MTUS1: variants seen among roughly 807,000 people sequenced by gnomAD.
The protein encoded by MTUS1 is microtubule-associated tumor suppressor 1.
MTUS1 carries 109 observed loss-of-function variants against 120.8 expected under a neutral mutation model. The observed-to-expected ratio is 0.90, with a 90% confidence interval of 0.77 to 1.06. The LOEUF is 1.06. Ranked by LOEUF, MTUS1 falls within the 50% of genes least tolerant of loss-of-function variation. MTUS1 has a pLI of 0.00. For missense variants in MTUS1, 2,210 were observed against 1,486.3 expected, an observed-to-expected ratio of 1.49 and a Z score of -8.01; for synonymous variants, 737 against 550.5, an observed-to-expected ratio of 1.34 and a Z score of -4.74.
At chr8:17,788,883 A>G (rs1026599423) in intron 1 of MTUS1, among the ~76,000 whole-genome samples, 2 of 152,216 alleles carry the variant, frequency 1.3e-5, no homozygotes, top group African/African-American at 4.8e-5. Context: ...TACTGGGTCC[A>G]AAGTATTTAC....
intron 1 of MTUS1, among the ~76,000 whole-genome samples, chr8:17,788,222 C>CTTAA (rs1229114391): frequency 6.6e-6 from 1 of 152,166 alleles, no homozygotes; most frequent in Non-Finnish European, 1.5e-5. Flanking sequence ...TAATTGCACA[C>CTTAA]TTAAGCCAGG....
At chr8:17,650,118 A>G (rs1806673165) in intron 12 of MTUS1, among the ~76,000 whole-genome samples, 156 bp from the exon 13 acceptor site, 1 of 152,242 alleles carries the variant, frequency 6.6e-6, no homozygotes, top group Admixed American at 6.5e-5. Flanking sequence ...AAACAAGAGC[A>G]CCTTAATGTC....
chr8:17,655,771 A>G (rs906294988), intron 9 of MTUS1, 92 bp downstream of exon 9: 8 of 1,110,506 alleles, frequency 7.2e-6, no homozygotes, highest in African/African-American at 4.7e-5. Context: ...CTATTAGACT[A>G]AAAAAGAGAA....
chr8:17,693,433 A>G (rs1345301103), intron 6 of MTUS1: 1 of 152,156 alleles, frequency 6.6e-6, no homozygotes, highest in African/African-American at 2.4e-5. Context: ...ACCCAGTAAT[A>G]ATATATCAGA....
chr8:17,663,585 T>G (rs1810243429), intron 8 of MTUS1, among the ~76,000 whole-genome samples: 1 of 106,620 alleles, frequency 9.4e-6, no homozygotes, highest in South Asian at 2.7e-4. Flanking sequence ...CTAAGCCTAC[T>G]TTTTGTTTTG....
chr8:17,765,314 C>A (rs573010507), intron 1 of MTUS1, among the ~76,000 whole-genome samples: 10 of 152,268 alleles, frequency 6.6e-5, no homozygotes, highest in East Asian at 5.8e-4. Flanking sequence ...AATTGGGGAA[C>A]CTTGCCGTGA....
chr8:17,723,883 G>C, intron 3 of MTUS1, 50 bp from the exon 4 acceptor site: 1 of 1,465,630 alleles, frequency 6.8e-7, no homozygotes, highest in Non-Finnish European at 9.1e-7. Flanking sequence ...CATCCCGAAA[G>C]CTGGCACTTT....
intron 8 of MTUS1, among the ~76,000 whole-genome samples, chr8:17,656,447 G>C (rs1056068118): frequency 1.3e-5 from 2 of 151,874 alleles, no homozygotes; most frequent in African/African-American, 4.8e-5. Context: ...AGAATTGCTT[G>C]AACCCGGGAG....
intron 6 of MTUS1, among the ~76,000 whole-genome samples, chr8:17,687,025 G>A (rs1815954856): frequency 1.3e-5 from 2 of 152,128 alleles, no homozygotes; most frequent in Non-Finnish European, 2.9e-5. Flanking sequence ...TTTCCTTGGG[G>A]AAACTACACA....
At chr8:17,696,684 G>A (rs1215892262) in intron 6 of MTUS1, among the ~76,000 whole-genome samples, 1 of 152,056 alleles carries the variant, frequency 6.6e-6, no homozygotes, top group African/African-American at 2.4e-5. Flanking sequence ...AAACCTCAGG[G>A]GAAGTATTTT....
At position 17,754,834 on chromosome 8, in the gene MTUS1, T is replaced by G. The variant is rs1015526116; in HGVS notation, c.974A>C (p.Gln325Pro). The G allele has an allele frequency of 2.5e-6, 4 of 1,614,222 alleles. No individual in the cohort carries two copies. The highest frequency in any genetic ancestry group is 3.3e-4 in the Middle Eastern group (2 of 6,062). Residue 325 changes from glutamine to proline, a missense_variant, in exon 2 of 15, where the codon CAG (glutamine) becomes CCG (proline). Transcript: ENST00000693296. ...HDESNSEPHS[Q>P]SSYRHKEMGQ... ...CATTTCCTTGTGCCTGTATGAGCTC[T>G]GTGAATGTGGTTCGCTATTGGATTC...
At chr8:17,701,809 A>C (rs891468441) in intron 6 of MTUS1, among the ~76,000 whole-genome samples, 28 of 152,158 alleles carry the variant, frequency 1.8e-4, no homozygotes, top group Admixed American at 5.9e-4. Flanking sequence ...TTGGCCTCCC[A>C]AAGTGCTGGG....
At chr8:17,682,404 G>A (rs1157605596) in intron 7 of MTUS1, among the ~76,000 whole-genome samples, 3 of 151,604 alleles carry the variant, frequency 2.0e-5, no homozygotes, top group Non-Finnish European at 4.4e-5. Context: ...TGTAATCCCA[G>A]CTATTCGGGA....
intron 8 of MTUS1, among the ~76,000 whole-genome samples, chr8:17,661,165 C>T (rs907746672): frequency 9.2e-5 from 14 of 152,026 alleles, no homozygotes; most frequent in Non-Finnish European, 1.8e-4. Flanking sequence ...AGTAACTTTC[C>T]GACTCTGAAG....
intron 10 of MTUS1, chr8:17,653,943 A>C (rs1326174376): frequency 1.3e-5 from 2 of 158,382 alleles, no homozygotes; most frequent in Non-Finnish European, 2.8e-5. Context: ...GGAGCCAGTC[A>C]CTTTTACACA....
chr8:17,702,405 A>G (rs895762114), intron 6 of MTUS1, among the ~76,000 whole-genome samples: 17 of 152,178 alleles, frequency 1.1e-4, no homozygotes, highest in Non-Finnish European at 2.1e-4. Flanking sequence ...TTGTGGCAAG[A>G]ACACTTAATG....
chr8:17,726,714 C>G (rs1585988510), intron 3 of MTUS1, among the ~76,000 whole-genome samples: 1 of 152,182 alleles, frequency 6.6e-6, no homozygotes, highest in Middle Eastern at 3.4e-3. Context: ...TATGGTTAGC[C>G]ACCAGTTTTA....
chr8:17,648,575 T>C (rs1420323237), intron 13 of MTUS1, among the ~76,000 whole-genome samples: 1 of 152,178 alleles, frequency 6.6e-6, no homozygotes, highest in African/African-American at 2.4e-5. Flanking sequence ...GGTTGGCCCA[T>C]TAACAACCAT....
intron 14 of MTUS1, 137 bp from the exon 15 acceptor site, chr8:17,646,276 T>C: frequency 9.9e-7 from 1 of 1,010,484 alleles, no homozygotes. Flanking sequence ...AGGTCACAGG[T>C]ATTTGGCTGG....
Sources: gnomAD v4.1 joint callset for allele counts (sites outside exome capture counted in the v4.1 genomes callset) on GRCh38, gnomAD v4.1.1 for gene constraint, MANE v1.5 for transcripts, NCBI Gene and HGNC (gene_info 2026-07-23, HGNC 2026-07-21) for gene names.